The following PRKAR2B variants were observed in gnomAD, a reference collection of about 807,000 sequenced individuals.
PRKAR2B encodes the protein protein kinase cAMP-dependent type II regulatory subunit beta.
Under a neutral mutation model 49.9 loss-of-function variants are expected in PRKAR2B, and 14 were observed. That is an observed-to-expected ratio of 0.28 (90% CI 0.19 to 0.44). The LOEUF is 0.44. Ranked by LOEUF, PRKAR2B falls within the 20% of genes least tolerant of loss-of-function variation. The probability of loss-of-function intolerance (pLI) is 1.00; values close to 1 mark genes in which losing one functional copy is unlikely to be tolerated. For missense variants in PRKAR2B, 393 were observed against 537.9 expected, an observed-to-expected ratio of 0.73 and a Z score of 2.67; for synonymous variants, 196 against 197.7, an observed-to-expected ratio of 0.99 and a Z score of 0.07.
intron 2 of PRKAR2B, among the ~76,000 whole-genome samples, chr7:107,118,944 A>C (rs77244985): frequency 0.046 from 6,999 of 152,304 alleles, 203 homozygotes; most frequent in African/African-American, 0.065. Context: ...GCCAAGAACT[A>C]AGTCCTTGTA....
intron 2 of PRKAR2B, among the ~76,000 whole-genome samples, chr7:107,096,621 C>T (rs1794843360): frequency 6.6e-6 from 1 of 152,164 alleles, no homozygotes; most frequent in Non-Finnish European, 1.5e-5. Flanking sequence ...AATTTTAGAT[C>T]TTTCCTGCTT....
At chr7:107,102,858 A>G (rs977493362) in intron 2 of PRKAR2B, among the ~76,000 whole-genome samples, 2 of 152,012 alleles carry the variant, frequency 1.3e-5, no homozygotes, top group South Asian at 2.1e-4. Context: ...TTTAGTGGAG[A>G]TGGGGTTTCA....
In PRKAR2B at chr7:107,153,264, G is replaced by A; in HGVS notation, c.918+13G>A. ...AATCATTGCTCAGGTATGATATTTTGAAATGTAATTCAGTTTAGGGTTATA... is the reference window on the plus strand; with the variant it reads ...AATCATTGCTCAGGTATGATATTTTAAAATGTAATTCAGTTTAGGGTTATA... On this transcript the variant is annotated intron_variant, in intron 8 of 10. Transcript: ENST00000265717. 6.3e-7 allele frequency: 1 copy of A among 1,583,272 alleles called. No individual in the cohort carries two copies.
intron 1 of PRKAR2B, among the ~76,000 whole-genome samples, chr7:107,048,412 A>C (rs1214144796): frequency 6.6e-6 from 1 of 151,490 alleles, no homozygotes; most frequent in Non-Finnish European, 1.5e-5. Flanking sequence ...TTTTTCTTTT[A>C]GTAATGCTGA....
chr7:107,153,060 C>G (rs41276181), intron 7 of PRKAR2B, 117 bp from the exon 8 acceptor site: 1 of 499,458 alleles, frequency 2.0e-6, no homozygotes, highest in Non-Finnish European at 3.4e-6. Flanking sequence ...AACACATATA[C>G]AACCTACACA....
rs1025218514 is a variant in PRKAR2B, at chr7:107,160,235, CATT to C, written c.*656_*658del. On this transcript the variant is annotated 3_prime_UTR_variant, in exon 11 of 11. Transcript: ENST00000265717. ...TGGTTTTATGGACAGGCAATTTAGT[CATT>C]ATGATAATAAGGAAAACAGTGTTTT... The C allele has an allele frequency of 1.3e-5, 2 of 152,492 alleles. No homozygotes were observed. Among genetic ancestry groups the C allele is most frequent in the African/African-American group, 4.8e-5 (2 of 41,406 alleles). The allele number at this position is 152,492 out of a possible 1,614,324, so 9.4% of individuals were successfully genotyped here. A position where few individuals can be genotyped will look rare whatever the true frequency, so the allele number is the denominator to read the frequency against.
intron 8 of PRKAR2B, among the ~76,000 whole-genome samples, chr7:107,156,368 G>C (rs1478068751): frequency 3.9e-5 from 6 of 152,154 alleles, no homozygotes; most frequent in African/African-American, 1.4e-4. Context: ...AATCCAGGAG[G>C]TGGAGGCTGC....
At chr7:107,133,163 A>G (rs1336083779) in intron 4 of PRKAR2B, among the ~76,000 whole-genome samples, 1 of 152,192 alleles carries the variant, frequency 6.6e-6, no homozygotes, top group Non-Finnish European at 1.5e-5. Flanking sequence ...CTGCATATTA[A>G]ATATTTCCTA....
intron 2 of PRKAR2B, among the ~76,000 whole-genome samples, chr7:107,071,105 G>A (rs1488322191): frequency 6.6e-6 from 1 of 152,178 alleles, no homozygotes; most frequent in East Asian, 1.9e-4. Flanking sequence ...TATCTTCTCT[G>A]TGTAAGAGGA....
At chr7:107,096,471 T>C (rs1794839210) in intron 2 of PRKAR2B, among the ~76,000 whole-genome samples, 1 of 133,476 alleles carries the variant, frequency 7.5e-6, no homozygotes, top group African/African-American at 2.9e-5. Flanking sequence ...GATTCATTGA[T>C]TTTTTTTTTT....
chr7:107,066,876 A>G (rs1794159206), intron 1 of PRKAR2B: 1 of 151,996 alleles, frequency 6.6e-6, no homozygotes, highest in African/African-American at 2.4e-5. Flanking sequence ...GTGCCTGGCC[A>G]GGTTTTTTTC....
chr7:107,075,328 C>T (rs907661436), intron 2 of PRKAR2B, among the ~76,000 whole-genome samples: 2 of 151,824 alleles, frequency 1.3e-5, no homozygotes, highest in Admixed American at 6.6e-5. Flanking sequence ...GTCTCAATCT[C>T]CTGACCTCGT....
At chr7:107,147,071 T>C (rs544564675) in intron 6 of PRKAR2B, among the ~76,000 whole-genome samples, 2 of 128,508 alleles carry the variant, frequency 1.6e-5, no homozygotes, top group Non-Finnish European at 3.7e-5. Flanking sequence ...CAGAATTACC[T>C]GGAGTATTTT....
intron 2 of PRKAR2B, among the ~76,000 whole-genome samples, chr7:107,085,503 G>C (rs1794602334): frequency 6.6e-6 from 1 of 152,014 alleles, no homozygotes; most frequent in Non-Finnish European, 1.5e-5. Context: ...AATGCTTATG[G>C]TAAAAAAGTG....
rs1562837283 is a variant in PRKAR2B at position 107,044,781 on chromosome 7, AG to A, written c.-126del. Reference sequence around the variant, plus strand: ...CGGGCCAGCCGGGCCGCCGGGGCCCAGTGCGCCGCGCTCGCAGCCGGTAGCG... The same window carrying A: ...CGGGCCAGCCGGGCCGCCGGGGCCCATGCGCCGCGCTCGCAGCCGGTAGCG... On this transcript the variant is annotated 5_prime_UTR_variant, in exon 1 of 11. The change creates a new upstream start codon in the 5' untranslated region. Coordinates refer to ENST00000265717, the MANE Select transcript of PRKAR2B (RefSeq NM_002736.3). The A allele has an allele frequency of 3.7e-5, 20 of 533,668 alleles. No individual in the cohort carries two copies. The highest frequency in any genetic ancestry group is 4.7e-5 in the Non-Finnish European group (19 of 400,910). 33.1% of individuals were successfully genotyped at this position (533,668 alleles called of 1,614,324 possible).
Position 107,147,760 on chromosome 7 carries a change from C to G in PRKAR2B, c.741+1299C>G, listed in dbSNP as rs184706587. ...AAAATTGTTGAAAATAGCCCACCCA[C>G]TAGTTTTGACATGCATTTATTGGGT... is the stretch of plus-strand genomic sequence containing the variant. On this transcript the variant is annotated intron_variant, in intron 6 of 10. Coordinates refer to ENST00000265717, the MANE Select transcript of PRKAR2B (RefSeq NM_002736.3). Among the ~76,000 whole-genome samples the G allele has an allele frequency of 1.4e-4, 21 of 152,300 alleles. No homozygotes were observed. The East Asian group carries it at 3.5e-3, about 25-fold the overall frequency.
intron 1 of PRKAR2B, 123 bp downstream of exon 1, chr7:107,045,337 C>T: frequency 1.2e-6 from 1 of 846,974 alleles, no homozygotes; most frequent in Non-Finnish European, 1.7e-6. Flanking sequence ...CCACCTTTCC[C>T]TACCTTCCCA....
At chr7:107,115,345 TA>T (rs1795253669) in intron 2 of PRKAR2B, among the ~76,000 whole-genome samples, 1 of 152,226 alleles carries the variant, frequency 6.6e-6, no homozygotes, top group Non-Finnish European at 1.5e-5. Context: ...GGGAATTAAA[TA>T]TTCACTTAAG....
chr7:107,071,775 C>T (rs117731347), intron 2 of PRKAR2B, among the ~76,000 whole-genome samples: 76 of 152,218 alleles, frequency 5.0e-4, no homozygotes, highest in South Asian at 8.3e-4. Flanking sequence ...GTACATTATA[C>T]GTATCATTGG....
Sources: allele counts gnomAD v4.1 joint callset (sites outside exome capture counted in the v4.1 genomes callset), GRCh38; gene constraint gnomAD v4.1.1; transcripts MANE v1.5; gene names NCBI Gene and HGNC (gene_info 2026-07-23, HGNC 2026-07-21).